The following PRH1 variants were observed in gnomAD, a reference collection of about 807,000 sequenced individuals.
PRH1 encodes the protein proline rich protein HaeIII subfamily 1.
In PRH1, 7 loss-of-function variants were observed where a neutral mutation model predicts 7.9. The observed-to-expected ratio is 0.89, with a 90% CI of 0.50 to 1.67. The LOEUF is 1.67. PRH1 is among the 40% of genes most tolerant of loss of function. PRH1 has a pLI of 0.00. For missense variants in PRH1, 109 were observed against 223.6 expected (o/e 0.49, Z 3.27); for synonymous variants, 45 against 80.8 (o/e 0.56, Z 2.38).
chr12:11,064,408 C>G (rs1182024107), intron 1 of PRH1, among the ~76,000 whole-genome samples: 1 of 151,854 alleles, frequency 6.6e-6, no homozygotes, highest in Non-Finnish European at 1.5e-5. Flanking sequence ...AATGATTGAT[C>G]TATCCTTAAT....
intron 1 of PRH1, among the ~76,000 whole-genome samples, chr12:11,055,488 T>C (rs1384123625): frequency 6.6e-6 from 1 of 152,278 alleles, no homozygotes; most frequent in Non-Finnish European, 1.5e-5. Flanking sequence ...CTCTGACTAA[T>C]GTCAAGCAGG....
intron 1 of PRH1, among the ~76,000 whole-genome samples, chr12:11,163,904 C>T (rs1272524367): frequency 6.6e-6 from 1 of 152,052 alleles, no homozygotes; most frequent in African/African-American, 2.4e-5. Flanking sequence ...CAATTAAATT[C>T]CCCCTTAAAA....
chr12:11,168,499 T>C (rs1947708882), intron 1 of PRH1, among the ~76,000 whole-genome samples: 1 of 151,930 alleles, frequency 6.6e-6, no homozygotes. Context: ...TTCTACTTGA[T>C]TTTATTTTTT....
In PRH1 at chr12:10,980,255, T is replaced by C. The variant is rs115053730; in HGVS notation, c.-125-6534A>G. 7.8e-3 allele frequency among the ~76,000 whole-genome samples: 1,189 copies of C among 152,288 alleles called. 25 individuals carry two copies. The highest frequency in any genetic ancestry group is 0.028 in the African/African-American group (1,145 of 41,562). On this transcript the variant is annotated intron_variant, in intron 1 of 3. Coordinates refer to the PRH1 transcript ENST00000539853. ...ATTACTGCGATACTGAGACACTAAC[T>C]GTACCAAATGCAAGAAATAAAAAAT...
chr12:11,119,785 A>T (rs1351419779), downstream of PRH1, among the ~76,000 whole-genome samples: 2 of 152,252 alleles, frequency 1.3e-5, no homozygotes, highest in East Asian at 3.8e-4. Context: ...TCAAGACCTT[A>T]GACTAATATT....
At chr12:11,136,139 A>G (rs1592086652) in intron 1 of PRH1, among the ~76,000 whole-genome samples, 2 of 152,294 alleles carry the variant, frequency 1.3e-5, no homozygotes, top group East Asian at 3.9e-4. Flanking sequence ...TATATTGATT[A>G]TTTCCTTAAT....
At chr12:11,136,133 T>C (rs1348356985) in intron 1 of PRH1, among the ~76,000 whole-genome samples, 1 of 144,564 alleles carries the variant, frequency 6.9e-6, no homozygotes, top group Non-Finnish European at 1.5e-5. Flanking sequence ...ATAATTTATA[T>C]TGATTATTTC....
intron 1 of PRH1, among the ~76,000 whole-genome samples, chr12:10,980,719 A>G (rs1015979905): frequency 1.3e-5 from 2 of 151,928 alleles, no homozygotes; most frequent in Admixed American, 6.6e-5. Context: ...GGGCAGTGTG[A>G]TATTTTCAAT....
chr12:10,967,112 C>G (rs113992977), intron 2 of PRH1, among the ~76,000 whole-genome samples: 875 of 60,718 alleles, frequency 0.014, 7 homozygotes, highest in Middle Eastern at 0.045. Flanking sequence ...AAGACTCCGT[C>G]TCAAAAAAAA....
chr12:11,086,016 G>A (rs73064939), intron 1 of PRH1, among the ~76,000 whole-genome samples: 44,871 of 104,542 alleles, frequency 0.43, 6,967 homozygotes, highest in Non-Finnish European at 0.52. Context: ...TGGAAGCCCA[G>A]GAAGGCCAAT....
chr12:10,990,795 T>C (rs1195058403), intron 1 of PRH1, among the ~76,000 whole-genome samples: 1 of 152,168 alleles, frequency 6.6e-6, no homozygotes, highest in East Asian at 1.9e-4. Context: ...TGTATGTTTT[T>C]GAGGGTAGAA....
At chr12:11,100,829 A>AT (rs1394440340) in intron 1 of PRH1, among the ~76,000 whole-genome samples, 1 of 152,186 alleles carries the variant, frequency 6.6e-6, no homozygotes, top group African/African-American at 2.4e-5. Context: ...CCTTTCTATG[A>AT]TTTTTTTCTC....
At chr12:11,114,912 A>G (rs137949608) in intron 1 of PRH1, among the ~76,000 whole-genome samples, 39 of 152,304 alleles carry the variant, frequency 2.6e-4, no homozygotes, top group African/African-American at 8.2e-4. Flanking sequence ...ACAAACATAA[A>G]AAGCAAAAAA....
intron 1 of PRH1, among the ~76,000 whole-genome samples, chr12:11,002,945 A>G (rs1446233061): frequency 6.6e-6 from 1 of 152,034 alleles, no homozygotes; most frequent in Non-Finnish European, 1.5e-5. Flanking sequence ...CTATAGTCCT[A>G]CATACTTTAA....
chr12:10,911,943 T>C (rs1384588795), intron 2 of PRH1, among the ~76,000 whole-genome samples: 1 of 152,190 alleles, frequency 6.6e-6, no homozygotes, highest in Non-Finnish European at 1.5e-5. Flanking sequence ...AATCACGTTA[T>C]TGTTTAACTT....
At chr12:11,003,519 T>A (rs1393325724) in intron 1 of PRH1, among the ~76,000 whole-genome samples, 1 of 151,992 alleles carries the variant, frequency 6.6e-6, no homozygotes, top group Non-Finnish European at 1.5e-5. Context: ...ATCACTTATA[T>A]GTTTCGCTTT....
At chr12:10,932,440 C>CT (rs34814394) in intron 2 of PRH1, 117,632 of 217,388 alleles carry the variant, frequency 0.54, 33,783 homozygotes, top group East Asian at 0.73. Flanking sequence ...TTCTTTCCTC[C>CT]TTATCCTTAT....
At chr12:11,155,656 G>A (rs1240804683) in intron 1 of PRH1, among the ~76,000 whole-genome samples, 1 of 151,990 alleles carries the variant, frequency 6.6e-6, no homozygotes, top group Non-Finnish European at 1.5e-5. Context: ...TTGATAAAAT[G>A]TATCCACTTT....
chr12:11,034,913 T>C (rs1295222150), intron 1 of PRH1: 2 of 152,338 alleles, frequency 1.3e-5, no homozygotes, highest in East Asian at 1.9e-4. Context: ...AATAATAATA[T>C]TAATAATAAT....
Sources: gnomAD v4.1 joint callset for allele counts (sites outside exome capture counted in the v4.1 genomes callset) on GRCh38, gnomAD v4.1.1 for gene constraint, MANE v1.5 for transcripts, NCBI Gene and HGNC (gene_info 2026-07-23, HGNC 2026-07-21) for gene names.